COL25A1: variants seen among roughly 807,000 people sequenced by gnomAD.
The protein encoded by COL25A1 is collagen alpha-1(XXV) chain.
COL25A1 carries 103 observed loss-of-function variants against 128.4 expected under a neutral mutation model. That is an observed-to-expected ratio of 0.80 (90% CI 0.68 to 0.94). COL25A1 has a LOEUF of 0.94. Ranked by LOEUF, COL25A1 falls within the 40% of genes least tolerant of loss-of-function variation. The pLI is 0.00. For synonymous variants in COL25A1, 279 were observed against 277.2 expected (o/e 1.01, Z -0.06); for missense variants, 745 against 840.0 (o/e 0.89, Z 1.40).
chr4:108,982,022 C>T (rs1044951062), intron 6 of COL25A1, among the ~76,000 whole-genome samples: 5 of 151,964 alleles, frequency 3.3e-5, no homozygotes, highest in African/African-American at 1.2e-4. Flanking sequence ...GGTGAAACCT[C>T]GTCTCTACTA....
At chr4:109,283,711 C>A (rs1036406636) in intron 3 of COL25A1, among the ~76,000 whole-genome samples, 3 of 152,234 alleles carry the variant, frequency 2.0e-5, no homozygotes, top group Admixed American at 6.5e-5. Context: ...TAGTCCAACC[C>A]AGAGTATCTT....
At chr4:109,278,226 T>C (rs1179407104) in intron 3 of COL25A1, among the ~76,000 whole-genome samples, 2 of 152,182 alleles carry the variant, frequency 1.3e-5, no homozygotes, top group Non-Finnish European at 2.9e-5. Context: ...GAAATAGAAT[T>C]TGATCTATAT....
At chr4:109,114,122 C>T (rs888771759) in intron 3 of COL25A1, among the ~76,000 whole-genome samples, 1 of 152,070 alleles carries the variant, frequency 6.6e-6, no homozygotes, top group Non-Finnish European at 1.5e-5. Flanking sequence ...ATCCTTCCCA[C>T]AGGATTTGTG....
chr4:108,970,225 A>G (rs1751769017), intron 8 of COL25A1, among the ~76,000 whole-genome samples: 1 of 152,182 alleles, frequency 6.6e-6, no homozygotes, highest in African/African-American at 2.4e-5. Flanking sequence ...TATAAAGAAC[A>G]TTTGGTAATA....
intron 3 of COL25A1, among the ~76,000 whole-genome samples, chr4:109,291,076 T>C (rs530014907): frequency 2.6e-5 from 4 of 152,266 alleles, no homozygotes; most frequent in South Asian, 4.1e-4. Flanking sequence ...TGATAACTTG[T>C]AGAACTGCTG....
chr4:109,039,172 T>C (rs893656962), intron 5 of COL25A1, among the ~76,000 whole-genome samples: 4 of 152,030 alleles, frequency 2.6e-5, no homozygotes, highest in Non-Finnish European at 5.9e-5. Flanking sequence ...CCTAATCATC[T>C]CTCTCTTCCC....
chr4:109,065,551 T>C (rs201284193), intron 3 of COL25A1, among the ~76,000 whole-genome samples: 11,632 of 118,668 alleles, frequency 0.098, 706 homozygotes, highest in Admixed American at 0.28. Flanking sequence ...CGCGCGTGTG[T>C]GTGTGTGTGT....
At chr4:108,911,605 A>C (rs931069843) in intron 13 of COL25A1, among the ~76,000 whole-genome samples, 1 of 152,190 alleles carries the variant, frequency 6.6e-6, no homozygotes, top group Non-Finnish European at 1.5e-5. Flanking sequence ...TGACTGAGGA[A>C]ATTAATACGT....
At chr4:109,161,296 A>G (rs1055383003) in intron 3 of COL25A1, among the ~76,000 whole-genome samples, 3 of 152,218 alleles carry the variant, frequency 2.0e-5, no homozygotes, top group Admixed American at 1.3e-4. Flanking sequence ...TAAATATTCT[A>G]TAGTGTATGG....
At chr4:109,218,443 A>G (rs560626218) in intron 3 of COL25A1, among the ~76,000 whole-genome samples, 2 of 133,848 alleles carry the variant, frequency 1.5e-5, no homozygotes, top group South Asian at 4.9e-4. Flanking sequence ...TGAAAGTTTT[A>G]AACTCTATCC....
chr4:109,055,939 A>T (rs1439825382), intron 3 of COL25A1, among the ~76,000 whole-genome samples: 3 of 152,192 alleles, frequency 2.0e-5, no homozygotes, highest in African/African-American at 7.2e-5. Context: ...TACATAACAC[A>T]GGGTTGTTTG....
chr4:109,160,932 T>C (rs557915350), intron 3 of COL25A1, among the ~76,000 whole-genome samples: 2 of 152,336 alleles, frequency 1.3e-5, no homozygotes, highest in Admixed American at 6.5e-5. Flanking sequence ...TAAATTTGAA[T>C]ATTGTTAGAC....
At chr4:109,100,627 G>A (rs1041580062) in intron 3 of COL25A1, among the ~76,000 whole-genome samples, 1 of 152,028 alleles carries the variant, frequency 6.6e-6, no homozygotes. Flanking sequence ...TATTTTCCCT[G>A]TAGCATTTCT....
At chr4:109,290,034 TGATACATATATACAGGG>T (rs1202414645) in intron 3 of COL25A1, among the ~76,000 whole-genome samples, 1 of 152,086 alleles carries the variant, frequency 6.6e-6, no homozygotes, top group Non-Finnish European at 1.5e-5. Flanking sequence ...AAATGATGTA[TGATACATATATACAGGG>T]GATACATGTT....
At chr4:109,101,407 T>C in intron 3 of COL25A1, among the ~76,000 whole-genome samples, 1 of 152,294 alleles carries the variant, frequency 6.6e-6, no homozygotes, top group African/African-American at 2.4e-5. Flanking sequence ...ATGCCCCTGG[T>C]GCCACAAATC....
chr4:109,041,991 A>T (rs568674362), intron 5 of COL25A1, among the ~76,000 whole-genome samples: 1 of 152,294 alleles, frequency 6.6e-6, no homozygotes, highest in East Asian at 1.9e-4. Flanking sequence ...AATAGACCGT[A>T]GGAAAAAAAT....
intron 3 of COL25A1, among the ~76,000 whole-genome samples, chr4:109,089,035 G>GAA (rs1764670576): frequency 6.6e-6 from 1 of 152,188 alleles, no homozygotes; most frequent in African/African-American, 2.4e-5. Flanking sequence ...AGAGATAAAT[G>GAA]AAAAAGGGGC....
At position 109,282,567 on chromosome 4, in the gene COL25A1, T is replaced by C. The variant is rs578191441; in HGVS notation, c.367+18016A>G. Among the ~76,000 whole-genome samples, 4 of 152,232 alleles carry C rather than the reference T, an allele frequency of 2.6e-5. No homozygotes were observed. The South Asian group carries it at 8.3e-4, about 31-fold the overall frequency. The stretch of plus-strand genomic sequence containing the variant: ...TGAGAAGTTGTCATTTAACTATTTA[T>C]AGAGTCAAGAACTGTTAAAGATATT... On this transcript the variant is annotated intron_variant, in intron 3 of 37. Transcript: ENST00000399132.
chr4:109,105,907 C>T (rs1002319057), intron 3 of COL25A1, among the ~76,000 whole-genome samples: 3 of 144,946 alleles, frequency 2.1e-5, no homozygotes, highest in Non-Finnish European at 4.5e-5. Flanking sequence ...TGGTTAGTTT[C>T]TAGAAGCTGT....
Sources: allele counts gnomAD v4.1 joint callset (sites outside exome capture counted in the v4.1 genomes callset), GRCh38; gene constraint gnomAD v4.1.1; transcripts MANE v1.5; gene names NCBI Gene and HGNC (gene_info 2026-07-23, HGNC 2026-07-21).